The following HS2ST1 variants were observed in gnomAD, a reference collection of about 807,000 sequenced individuals.
HS2ST1 encodes heparan sulfate 2-O-sulfotransferase 1, also known as 2-O-sulfotransferase.
A neutral mutation model predicts 42.9 loss-of-function variants in HS2ST1; 18 were observed. The ratio of observed to expected loss-of-function variants is 0.42; its 90% CI spans 0.29 to 0.62. The LOEUF is 0.62. Among genes scored for constraint, HS2ST1 ranks in the 20% least tolerant of loss-of-function variants. HS2ST1 has a pLI of 0.21. For missense variants in HS2ST1, 334 were observed against 433.8 expected (o/e 0.77, Z 2.04); for synonymous variants, 146 against 152.9 (o/e 0.95, Z 0.33).
intron 5 of HS2ST1, 72 bp from the exon 6 acceptor site, chr1:87,103,360 A>C (rs1389409212): frequency 1.5e-6 from 2 of 1,325,934 alleles, no homozygotes; most frequent in East Asian, 4.8e-5. Flanking sequence ...TCTGTAATAT[A>C]TGGTGTCAAA....
At chr1:87,033,803 C>G (rs548136131) in intron 1 of HS2ST1, among the ~76,000 whole-genome samples, 1 of 152,334 alleles carries the variant, frequency 6.6e-6, no homozygotes, top group East Asian at 1.9e-4. Context: ...CTCGGCCTCC[C>G]AGAGTGCTGG....
intron 1 of HS2ST1, among the ~76,000 whole-genome samples, chr1:86,924,356 T>G (rs1660367190): frequency 6.6e-6 from 1 of 152,166 alleles, no homozygotes; most frequent in Non-Finnish European, 1.5e-5. Context: ...TGTCAGTGGA[T>G]CTACCATTCT....
intron 1 of HS2ST1, among the ~76,000 whole-genome samples, chr1:86,923,131 C>T (rs1660334736): frequency 6.6e-6 from 1 of 152,138 alleles, no homozygotes; most frequent in Admixed American, 6.5e-5. Flanking sequence ...TATTTTTTAT[C>T]TCAGGCGTTG....
At chr1:86,998,088 A>G (rs967369715) in intron 1 of HS2ST1, among the ~76,000 whole-genome samples, 1 of 152,190 alleles carries the variant, frequency 6.6e-6, no homozygotes, top group African/African-American at 2.4e-5. Flanking sequence ...GGTAAGACCT[A>G]CTTAGAGGTC....
chr1:87,065,911 C>T (rs1651237630), intron 1 of HS2ST1, among the ~76,000 whole-genome samples: 1 of 152,156 alleles, frequency 6.6e-6, no homozygotes, highest in Middle Eastern at 3.4e-3. Context: ...TTTATTTTAA[C>T]ACTAGAAGTT....
At chr1:87,073,410 T>A (rs562529601) in intron 2 of HS2ST1, among the ~76,000 whole-genome samples, 2 of 152,356 alleles carry the variant, frequency 1.3e-5, no homozygotes, top group South Asian at 4.1e-4. Context: ...ATGAATAGCT[T>A]GAATTTTTGA....
At chr1:87,035,349 ATCTT>A (rs915329395) in intron 1 of HS2ST1, among the ~76,000 whole-genome samples, 15 of 152,214 alleles carry the variant, frequency 9.9e-5, no homozygotes, top group African/African-American at 3.1e-4. Flanking sequence ...TTTTAAATAT[ATCTT>A]TCTTTGAAAA....
At chr1:87,086,909 A>G (rs904469364) in intron 3 of HS2ST1, among the ~76,000 whole-genome samples, 5 of 79,528 alleles carry the variant, frequency 6.3e-5, no homozygotes, top group African/African-American at 1.7e-4. Context: ...ATTTTAAGAT[A>G]ATGTAGATAT....
At chr1:86,993,740 T>C (rs1045604287) in intron 1 of HS2ST1, among the ~76,000 whole-genome samples, 3 of 152,154 alleles carry the variant, frequency 2.0e-5, no homozygotes, top group Non-Finnish European at 4.4e-5. Flanking sequence ...GAGGCCTCAG[T>C]TCAAAAGTGT....
At chr1:87,101,147 G>GTTTTTTTT (rs1557546414) in intron 5 of HS2ST1, among the ~76,000 whole-genome samples, 2 of 75,916 alleles carry the variant, frequency 2.6e-5, no homozygotes, top group Non-Finnish European at 5.0e-5. Flanking sequence ...GTGTGTGTGT[G>GTTTTTTTT]TGTTTTTTGT....
At chr1:86,957,490 A>T (rs1647707395) in intron 1 of HS2ST1, among the ~76,000 whole-genome samples, 1 of 152,196 alleles carries the variant, frequency 6.6e-6, no homozygotes, top group Non-Finnish European at 1.5e-5. Flanking sequence ...CTGAATTGCT[A>T]AGGTCTCTGC....
chr1:86,971,850 A>G (rs918376291), intron 1 of HS2ST1, among the ~76,000 whole-genome samples: 1 of 152,246 alleles, frequency 6.6e-6, no homozygotes, highest in Non-Finnish European at 1.5e-5. Flanking sequence ...AAAAAATGCA[A>G]AAGTATTCTG....
chr1:86,989,919 A>G (rs1648893240), intron 1 of HS2ST1, among the ~76,000 whole-genome samples: 1 of 151,726 alleles, frequency 6.6e-6, no homozygotes, highest in African/African-American at 2.4e-5. Context: ...TTATGGCTGC[A>G]TAATATTCCA....
chr1:86,969,030 G>T (rs537352820), intron 1 of HS2ST1, among the ~76,000 whole-genome samples: 1 of 152,082 alleles, frequency 6.6e-6, no homozygotes, highest in Non-Finnish European at 1.5e-5. Flanking sequence ...TGTAAGTAAG[G>T]TTGCTACAAA....
intron 2 of HS2ST1, among the ~76,000 whole-genome samples, chr1:87,081,866 C>T (rs768405073): frequency 1.7e-4 from 26 of 150,658 alleles, no homozygotes; most frequent in Admixed American, 4.0e-4. Context: ...CCCAGCTACT[C>T]AGGAGGCTGA....
At chr1:87,005,481 C>T (rs1649412927) in intron 1 of HS2ST1, among the ~76,000 whole-genome samples, 1 of 152,108 alleles carries the variant, frequency 6.6e-6, no homozygotes, top group South Asian at 2.1e-4. Flanking sequence ...AATTGAGTGA[C>T]ATTAAACATT....
intron 1 of HS2ST1, among the ~76,000 whole-genome samples, chr1:87,010,615 TGTAGACTAATA>T (rs1649571457): frequency 6.6e-6 from 1 of 152,192 alleles, no homozygotes; most frequent in Admixed American, 6.6e-5. Flanking sequence ...TATTTTCATA[TGTAGACTAATA>T]CTAGATGTTC....
intron 1 of HS2ST1, among the ~76,000 whole-genome samples, chr1:86,954,883 G>T (rs1647633768): frequency 1.3e-5 from 2 of 152,072 alleles, no homozygotes; most frequent in Non-Finnish European, 2.9e-5. Context: ...ATCCACTTGA[G>T]CCCAGGAGTT....
intron 1 of HS2ST1, among the ~76,000 whole-genome samples, chr1:86,954,466 G>C (rs1570443567): frequency 6.6e-6 from 1 of 152,154 alleles, no homozygotes; most frequent in South Asian, 2.1e-4. Context: ...GTTGATTTGA[G>C]AATAACTTAT....
Sources: allele counts gnomAD v4.1 joint callset (sites outside exome capture counted in the v4.1 genomes callset), GRCh38; gene constraint gnomAD v4.1.1; transcripts MANE v1.5; gene names NCBI Gene and HGNC (gene_info 2026-07-23, HGNC 2026-07-21).